Variants in GRM7 observed in about 807,000 individuals in gnomAD.
GRM7 encodes glutamate metabotropic receptor 7, also known as metabotropic glutamate receptor 7.
Under a neutral mutation model 84.5 loss-of-function variants are expected in GRM7, and 35 were observed. The observed-to-expected ratio is 0.41, with a 90% CI of 0.32 to 0.55. The LOEUF (loss-of-function observed/expected upper bound fraction) is 0.55, where lower values mean the gene tolerates loss of function less well. Ranked by LOEUF, GRM7 falls within the 20% of genes least tolerant of loss-of-function variation. The pLI, the probability that GRM7 is intolerant of heterozygous loss-of-function variation, is 0.19. For synonymous variants in GRM7, 487 were observed against 455.1 expected (o/e 1.07, Z -0.89); for missense variants, 1,003 against 1,194.6 (o/e 0.84, Z 2.36).
At chr3:7,104,297 C>A (rs1019446585) in intron 1 of GRM7, among the ~76,000 whole-genome samples, 1 of 151,608 alleles carries the variant, frequency 6.6e-6, no homozygotes, top group Non-Finnish European at 1.5e-5. Context: ...CCTCTGCACA[C>A]CAAGCAGAGG....
In GRM7 at chr3:7,509,563, C is replaced by G. The variant is rs532082136; in HGVS notation, c.1515+47841C>G. 2.2e-4 allele frequency among the ~76,000 whole-genome samples: 34 copies of G among 152,246 alleles called. 1 individual carries two copies. The South Asian group carries it at 6.0e-3, about 27-fold the overall frequency. ...AAGATAAAGAGGAACTAAGTAAGAT[C>G]CAATCTGATAAGCCACTTCATAGTG... On this transcript the variant is annotated intron_variant, in intron 7 of 9. Transcript: ENST00000357716.
At chr3:7,622,152 A>G (rs1266667573) in intron 8 of GRM7, among the ~76,000 whole-genome samples, 1 of 152,160 alleles carries the variant, frequency 6.6e-6, no homozygotes, top group African/African-American at 2.4e-5. Context: ...CAAAAGCTGC[A>G]GACCAGAGTT....
intron 4 of GRM7, among the ~76,000 whole-genome samples, chr3:7,335,334 T>C (rs59979430): frequency 0.04 from 6,020 of 152,154 alleles, 247 homozygotes; most frequent in African/African-American, 0.11. Context: ...AAAGAAATTT[T>C]GATGGAAATT....
intron 1 of GRM7, among the ~76,000 whole-genome samples, chr3:6,867,704 G>T (rs923812197): frequency 6.6e-6 from 1 of 152,128 alleles, no homozygotes; most frequent in South Asian, 2.1e-4. Flanking sequence ...TGATCTCTAT[G>T]TAAAATGATA....
intron 2 of GRM7, among the ~76,000 whole-genome samples, chr3:7,237,911 T>C (rs1697406094): frequency 6.6e-6 from 1 of 152,114 alleles, no homozygotes; most frequent in South Asian, 2.1e-4. Context: ...ATTGGTGCGT[T>C]TTTACAGAGT....
chr3:7,690,407 A>G lies in GRM7; in HGVS notation c.2698+10112A>G, dbSNP rs1043047945. ...TGTTAGCAATAATAATAAATATTAT[A>G]AAAATAAAAACAATAATAAGTCTAC... On this transcript the variant is annotated intron_variant, in intron 9 of 9. Transcript: ENST00000357716. Among the ~76,000 whole-genome samples, 3 of 152,326 alleles carry G rather than the reference A, an allele frequency of 2.0e-5. No homozygotes were observed. The South Asian group carries it at 6.2e-4, about 32-fold the overall frequency.
chr3:7,306,112 C>G (rs1700186286), intron 3 of GRM7, among the ~76,000 whole-genome samples: 1 of 152,060 alleles, frequency 6.6e-6, no homozygotes, highest in African/African-American at 2.4e-5. Flanking sequence ...AATGAGAGTG[C>G]TCATTTCTCC....
chr3:7,695,416 C>T (rs759286135), intron 9 of GRM7, among the ~76,000 whole-genome samples: 5 of 152,134 alleles, frequency 3.3e-5, no homozygotes, highest in Admixed American at 6.6e-5. Flanking sequence ...GGCACTCAGC[C>T]GAGGAAGTCT....
rs116664376 is a variant in GRM7, at chr3:7,586,708, G to A, written c.2451+7351G>A. On this transcript the variant is annotated intron_variant, in intron 8 of 9. Transcript: ENST00000357716. ...CTGTAAACCCAGCTACTTGGGAGGT[G>A]GAGGCACGAGAAGTGCTTGAACCCA... 4.2e-3 allele frequency among the ~76,000 whole-genome samples: 637 copies of A among 152,150 alleles called. 7 individuals carry two copies. Among genetic ancestry groups the A allele is most frequent in the African/African-American group, 0.014 (593 of 41,526 alleles).
In GRM7 at chr3:7,016,392, C is replaced by T. The variant is rs187530960; in HGVS notation, c.520-130060C>T. Among the ~76,000 whole-genome samples the T allele has an allele frequency of 1.5e-4, 23 of 152,154 alleles. No individual in the cohort carries two copies. The South Asian group carries it at 4.1e-3, about 27-fold the overall frequency. ...CCGTCTTTCCCAGCTGACTGAAATT[C>T]GGGGTTTATATAGCTAGAGAGGTGA... On this transcript the variant is annotated intron_variant, in intron 1 of 9. Coordinates refer to ENST00000357716, the MANE Select transcript of GRM7 (RefSeq NM_000844.4).
At chr3:7,200,542 C>T (rs1696031397) in intron 2 of GRM7, among the ~76,000 whole-genome samples, 1 of 152,150 alleles carries the variant, frequency 6.6e-6, no homozygotes, top group Non-Finnish European at 1.5e-5. Flanking sequence ...AAGCATTGCT[C>T]CTTGGATCAT....
At chr3:7,625,360 T>A (rs144648041) in intron 8 of GRM7, among the ~76,000 whole-genome samples, 2 of 152,124 alleles carry the variant, frequency 1.3e-5, no homozygotes, top group East Asian at 3.9e-4. Context: ...AAGGGTGAAA[T>A]GCTAACAAAA....
chr3:7,090,996 T>G (rs536827245), intron 1 of GRM7, among the ~76,000 whole-genome samples: 1 of 152,256 alleles, frequency 6.6e-6, no homozygotes, highest in East Asian at 1.9e-4. Flanking sequence ...CATTAAAAAT[T>G]TGTTTCCAAA....
intron 1 of GRM7, among the ~76,000 whole-genome samples, chr3:7,044,420 T>A (rs2124945470): frequency 6.6e-6 from 1 of 152,352 alleles, no homozygotes; most frequent in East Asian, 1.9e-4. Context: ...GATCTTTATA[T>A]TTTATTATTG....
At chr3:7,532,188 G>A (rs909347794) in intron 7 of GRM7, among the ~76,000 whole-genome samples, 4 of 152,166 alleles carry the variant, frequency 2.6e-5, no homozygotes, top group African/African-American at 9.7e-5. Context: ...AGTTTCAGAA[G>A]GAATGGTACC....
rs548159695 is a variant in GRM7, at chr3:7,253,444, G to A, written c.737-45240G>A. Among the ~76,000 whole-genome samples, 66 of 151,732 alleles carry A rather than the reference G, an allele frequency of 4.3e-4. No individual in the cohort carries two copies. In the South Asian group the frequency reaches 0.011, roughly 25 times the overall value. On this transcript the variant is annotated intron_variant, in intron 2 of 9. Transcript: ENST00000357716. ...AGCCTGGCCAATATGGTGAAACCCC[G>A]TCTCTACTAAAAATACAAAAAAATT...
intron 1 of GRM7, among the ~76,000 whole-genome samples, chr3:6,878,399 G>GTGTA (rs1350003242): frequency 6.6e-6 from 1 of 151,588 alleles, no homozygotes; most frequent in Non-Finnish European, 1.5e-5. Flanking sequence ...GTGTGTGTGT[G>GTGTA]TGTGTGTGTG....
At chr3:7,709,487 G>C (rs935875873) in intron 9 of GRM7, among the ~76,000 whole-genome samples, 1 of 152,136 alleles carries the variant, frequency 6.6e-6, no homozygotes, top group African/African-American at 2.4e-5. Flanking sequence ...ATGAGTGTCA[G>C]TGGAGACAGA....
rs1273556940 is a variant in GRM7 at position 7,740,499 on chromosome 3, C to A, written c.*93C>A. ...GGACTCTTTGGTCCTACCCGCTTCC[C>A]ATCACCGGAGGAGCTTCCCCGGCCG... On this transcript the variant is annotated 3_prime_UTR_variant, in exon 10 of 10. Transcript: ENST00000357716. 1 of 680,008 alleles carries A rather than the reference C, an allele frequency of 1.5e-6. No homozygotes were observed. The highest frequency in any genetic ancestry group is 3.1e-5 in the East Asian group (1 of 32,258). The allele number at this position is 680,008 out of a possible 1,614,324, so 42.1% of individuals were successfully genotyped here. A position where few individuals can be genotyped will look rare whatever the true frequency, so the allele number is the denominator to read the frequency against.
Sources: gnomAD v4.1 joint callset for allele counts (sites outside exome capture counted in the v4.1 genomes callset) on GRCh38, gnomAD v4.1.1 for gene constraint, MANE v1.5 for transcripts, NCBI Gene and HGNC (gene_info 2026-07-23, HGNC 2026-07-21) for gene names.